LBR: variants seen among roughly 807,000 people sequenced by gnomAD.
LBR encodes the protein delta(14)-sterol reductase LBR.
A neutral mutation model predicts 74.3 loss-of-function variants in LBR; 28 were observed. That is an observed-to-expected ratio of 0.38 (90% confidence interval 0.28 to 0.52). The LOEUF (loss-of-function observed/expected upper bound fraction) is 0.52, where lower values mean the gene tolerates loss of function less well. Among genes scored for constraint, LBR ranks in the 20% least tolerant of loss-of-function variants. LBR has a pLI of 0.89. For missense variants in LBR, 717 were observed against 760.3 expected (o/e 0.94, Z 0.67); for synonymous variants, 228 against 269.3 (o/e 0.85, Z 1.50).
intron 1 of LBR, among the ~76,000 whole-genome samples, chr1:225,424,456 C>A (rs1004734416): frequency 2.0e-5 from 3 of 152,206 alleles, no homozygotes; most frequent in Non-Finnish European, 2.9e-5. Context: ...TTTAAAAATG[C>A]ATTTAATTGT....
At chr1:225,413,953 A>G (rs868697134) in intron 7 of LBR, 1 of 456,724 alleles carries the variant, frequency 2.2e-6, no homozygotes. Flanking sequence ...GACTACTTAG[A>G]AAAGAATTGG....
intron 6 of LBR, among the ~76,000 whole-genome samples, chr1:225,416,136 G>C (rs1471151861): frequency 6.6e-6 from 1 of 151,610 alleles, no homozygotes; most frequent in South Asian, 2.1e-4. Flanking sequence ...TTCAGCCCAG[G>C]AGGAGGTTGC....
intron 8 of LBR, 46 bp from the exon 9 acceptor site, chr1:225,411,486 C>A: frequency 2.1e-6 from 3 of 1,438,688 alleles, no homozygotes; most frequent in South Asian, 1.1e-5. Flanking sequence ...CAAACCCAGT[C>A]AGGAGGCTTT....
At chr1:225,416,671 C>T (rs1223125334) in intron 6 of LBR, among the ~76,000 whole-genome samples, 4 of 152,318 alleles carry the variant, frequency 2.6e-5, no homozygotes, top group East Asian at 3.9e-4. Flanking sequence ...CCCTCCGTAT[C>T]GACGGGATCC....
Position 225,427,984 on chromosome 1 carries a change from G to A in LBR, c.-45C>T. ...CCAGGTTCCGGCGGTGACACGGACG[G>A]CTCCCGGAGAATAGTCGCACAGCAA... On this transcript the variant is annotated 5_prime_UTR_variant, in exon 1 of 14. Transcript: ENST00000272163. 6.6e-6 allele frequency: 1 copy of A among 152,264 alleles called. No homozygotes were observed. The highest frequency in any genetic ancestry group is 1.5e-5 in the Non-Finnish European group (1 of 68,040). 9.4% of individuals were successfully genotyped at this position (152,264 alleles called of 1,614,324 possible). A position where few individuals can be genotyped will look rare whatever the true frequency, so the allele number is the denominator to read the frequency against.
At position 225,404,451 on chromosome 1, in the gene LBR, T is replaced by A. The variant is rs374343844; in HGVS notation, c.1640A>T (p.Asn547Ile). 1 of 1,614,150 alleles carries A rather than the reference T, an allele frequency of 6.2e-7. No homozygotes were observed. The highest frequency in any genetic ancestry group is 1.3e-5 in the African/African-American group (1 of 75,054). ...GGCCATGATGAGATCACCCAAGTAATTGGGGTGGCGAACAAAGCCCCACCA... is the reference window on the plus strand; with the variant it reads ...GGCCATGATGAGATCACCCAAGTAAATGGGGTGGCGAACAAAGCCCCACCA... ...SGWWGFVRHP[N>I]YLGDLIMALA... Residue 547 changes from asparagine to isoleucine, a missense_variant, in exon 13 of 14, where the codon AAT (asparagine) becomes ATT (isoleucine). By Grantham distance (149) the Asn-to-Ile change is moderately radical. Coordinates refer to ENST00000272163, the MANE Select transcript of LBR (RefSeq NM_002296.4).
At chr1:225,428,211 G>A (rs2150963650), upstream of LBR, among the ~76,000 whole-genome samples, 1 of 152,128 alleles carries the variant, frequency 6.6e-6, no homozygotes, top group East Asian at 2.0e-4. Flanking sequence ...TCGATTGGTC[G>A]CGCGCCGTGG....
chr1:225,428,210 C>CGCGCGCCGTGGCGCGT (rs1035198542), upstream of LBR, among the ~76,000 whole-genome samples: 4 of 152,050 alleles, frequency 2.6e-5, no homozygotes, highest in African/African-American at 9.7e-5. Context: ...GTCGATTGGT[C>CGCGCGCCGTGGCGCGT]GCGCGCCGTG....
chr1:225,422,604 C>T (rs556099011), intron 2 of LBR, among the ~76,000 whole-genome samples: 11 of 150,828 alleles, frequency 7.3e-5, no homozygotes, highest in Middle Eastern at 3.4e-3. Flanking sequence ...AAAACTGAGA[C>T]GACAGGACAA....
rs535521971 is a variant in LBR at position 225,403,196 on chromosome 1, G to A, written c.*107C>T. ...TCCTGACTCAAAAAGAAAAAAAAAA[G>A]TACAGACCCTGTCAGTGCAACAAAA... On this transcript the variant is annotated 3_prime_UTR_variant, in exon 14 of 14. Coordinates refer to ENST00000272163, the MANE Select transcript of LBR (RefSeq NM_002296.4). 114 of 1,053,224 alleles carry A rather than the reference G, an allele frequency of 1.1e-4. 1 individual carries two copies. The African/African-American group carries it at 1.6e-3, about 15-fold the overall frequency. 65.2% of individuals were successfully genotyped at this position (1,053,224 alleles called of 1,614,324 possible).
chr1:225,417,945 T>A, intron 6 of LBR, 39 bp downstream of exon 6: 1 of 1,581,562 alleles, frequency 6.3e-7, no homozygotes. Flanking sequence ...TAGTGAGACC[T>A]CATCTTATTA....
intron 10 of LBR, among the ~76,000 whole-genome samples, 162 bp downstream of exon 10, chr1:225,410,129 T>C (rs779459685): frequency 4.6e-5 from 7 of 152,174 alleles, no homozygotes; most frequent in Non-Finnish European, 1.0e-4. Context: ...CTGTCAGTGC[T>C]CCCTCGTCAG....
intron 8 of LBR, 106 bp downstream of exon 8, chr1:225,412,348 T>C: frequency 1.0e-6 from 1 of 993,260 alleles, no homozygotes; most frequent in East Asian, 2.4e-5. Flanking sequence ...CTTCTCTTCA[T>C]TTCCCAAAAA....
intron 11 of LBR, among the ~76,000 whole-genome samples, chr1:225,406,163 ACAC>A (rs2096091100): frequency 6.6e-6 from 1 of 152,096 alleles, no homozygotes; most frequent in Non-Finnish European, 1.5e-5. Flanking sequence ...CTCCAATCGA[ACAC>A]CATATCCTCC....
At chr1:225,423,331 G>A (rs1054177117) in intron 2 of LBR, among the ~76,000 whole-genome samples, 5 of 152,060 alleles carry the variant, frequency 3.3e-5, no homozygotes, top group South Asian at 2.1e-4. Context: ...GGCTAGACTC[G>A]AATCTAATTA....
intron 12 of LBR, 43 bp downstream of exon 12, chr1:225,404,583 C>A (rs2096087639): frequency 6.4e-7 from 1 of 1,561,438 alleles, no homozygotes; most frequent in Non-Finnish European, 8.7e-7. Flanking sequence ...AAAAATAAAA[C>A]CTTCATGTAA....
chr1:225,427,829 C>T (rs1373728412), intron 1 of LBR, 125 bp downstream of exon 1: 1 of 152,314 alleles, frequency 6.6e-6, no homozygotes, highest in Admixed American at 6.5e-5. Flanking sequence ...AAGGCCGCCG[C>T]GCCAGGCCCC....
intron 1 of LBR, among the ~76,000 whole-genome samples, 179 bp from the exon 2 acceptor site, chr1:225,424,268 G>A (rs375851441): frequency 3.9e-5 from 6 of 152,110 alleles, no homozygotes; most frequent in Admixed American, 1.3e-4. Context: ...TAGCCACTGC[G>A]TTATCTATGT....
chr1:225,411,343 A>C lies in LBR; in HGVS notation c.1182T>G (p.Ile394Met). ...GAAAAAAAACCAGACATACCCATCCAATCAATCCGGGGCGCAATTCACAAA... is the reference window on the plus strand; with the variant it reads ...GAAAAAAAACCAGACATACCCATCCCATCAATCCGGGGCGCAATTCACAAA... ...KYFCELRPGLIGWVVINLVML... is the reference protein window; with the variant it reads ...KYFCELRPGLMGWVVINLVML... Residue 394 changes from isoleucine (I) to methionine (M), a missense_variant, in exon 9 of 14, where the codon ATT (isoleucine) becomes ATG (methionine). Ile to Met is a conservative substitution (Grantham distance 10). Transcript: ENST00000272163. 2 of 1,611,012 alleles carry C rather than the reference A, an allele frequency of 1.2e-6. No individual in the cohort carries two copies. The highest frequency in any genetic ancestry group is 1.7e-6 in the Non-Finnish European group (2 of 1,177,106).
Sources: gnomAD v4.1 joint callset for allele counts (sites outside exome capture counted in the v4.1 genomes callset) on GRCh38, gnomAD v4.1.1 for gene constraint, MANE v1.5 for transcripts, NCBI Gene and HGNC (gene_info 2026-07-23, HGNC 2026-07-21) for gene names.